Variants in FBH1 observed in about 807,000 individuals in gnomAD.
FBH1 encodes the protein DNA 3'-5' helicase 1.
FBH1 carries 43 observed loss-of-function variants against 115.5 expected under a neutral mutation model. The observed-to-expected ratio is 0.37, with a 90% CI of 0.29 to 0.48. FBH1 has a LOEUF of 0.48. FBH1 is among the 20% of genes least tolerant of loss of function. FBH1 has a pLI of 0.99. For missense variants in FBH1, 1,001 were observed against 1,337.3 expected (o/e 0.75, Z 3.92); for synonymous variants, 524 against 507.8 (o/e 1.03, Z -0.43).
Position 5,895,447 on chromosome 10 carries a change from A to G in FBH1, c.1+5101A>G, listed in dbSNP as rs180968692. Among the ~76,000 whole-genome samples the G allele has an allele frequency of 1.1e-3, 172 of 152,286 alleles. No homozygotes were observed. The highest frequency in any genetic ancestry group is 2.2e-3 in the Admixed American group (34 of 15,288). On this transcript the variant is annotated intron_variant, in intron 1 of 20. Coordinates refer to ENST00000362091, the MANE Select transcript of FBH1 (RefSeq NM_178150.3). This position sits in a 1 kb window ranked among gnomAD's most constrained non-coding sequence, Gnocchi z 5.0. ...TTAGGTCTGTAACCTAAAAGTTTTA[A>G]AGGACTTTTTGGTATGAATTCTGAT... is the stretch of plus-strand genomic sequence containing the variant.
In FBH1 at chr10:5,925,059, G is replaced by T. The variant is rs1463312703; in HGVS notation, c.2597-308G>T. Among the ~76,000 whole-genome samples the T allele has an allele frequency of 6.6e-6, 1 of 152,152 alleles. No homozygotes were observed. Among genetic ancestry groups the T allele is most frequent in the Non-Finnish European group, 1.5e-5 (1 of 68,032 alleles). ...CAGGCAAGCTGTGCAGCCCTCTTCT[G>T]GGCTCTGTCCCTTCATGTGTTAGAT... is the stretch of plus-strand genomic sequence containing the variant. On this transcript the variant is annotated intron_variant, in intron 17 of 20. Transcript: ENST00000362091. This position sits in a 1 kb window ranked among gnomAD's most constrained non-coding sequence, Gnocchi z 4.6.
At chr10:5,891,428 G>A (rs1332061103) in intron 1 of FBH1, among the ~76,000 whole-genome samples, 1 of 152,184 alleles carries the variant, frequency 6.6e-6, no homozygotes, top group Non-Finnish European at 1.5e-5. Flanking sequence ...GGCGTGCCAA[G>A]CAGTGTTCTG....
At chr10:5,903,938 A>ATC (rs1843532807) in intron 2 of FBH1, among the ~76,000 whole-genome samples, 1 of 152,230 alleles carries the variant, frequency 6.6e-6, no homozygotes, top group African/African-American at 2.4e-5. Flanking sequence ...TCTCTGCTAA[A>ATC]TCAACTGGAA....
rs769563163 is a variant in FBH1 at position 5,909,102 on chromosome 10, TGTACATCA to T, written c.884+50_885-47del. On this transcript the variant is annotated intron_variant, in intron 4 of 20. Transcript: ENST00000362091. The surrounding 1 kb of genome is among the most constrained non-coding windows in gnomAD (Gnocchi z 4.4). ...AAGAAGGCGTCTTTGAAGTCTTCCT[TGTACATCA>T]GTGCTTATGGTCACCCTACTCATGG... 6.2e-7 allele frequency: 1 copy of T among 1,613,722 alleles called. No homozygotes were observed. The highest frequency in any genetic ancestry group is 2.2e-5 in the East Asian group (1 of 44,860).
Position 5,913,663 on chromosome 10 carries a change from G to T in FBH1, c.1212-84G>T. 1 of 883,794 alleles carries T rather than the reference G, an allele frequency of 1.1e-6. No homozygotes were observed. 54.7% of individuals were successfully genotyped at this position (883,794 alleles called of 1,614,324 possible). A position where few individuals can be genotyped will look rare whatever the true frequency, so the allele number is the denominator to read the frequency against. On this transcript the variant is annotated intron_variant, in intron 6 of 20. Coordinates refer to ENST00000362091, the MANE Select transcript of FBH1 (RefSeq NM_178150.3). The surrounding 1 kb of genome is among the most constrained non-coding windows in gnomAD (Gnocchi z 4.4). ...GTATTTTCTTTTTAGAAATGGGAAG[G>T]AGTTTAAATCCATCTGAGGAAAAAT... is the stretch of plus-strand genomic sequence containing the variant.
chr10:5,901,911 G>A (rs1843370383), intron 1 of FBH1, among the ~76,000 whole-genome samples: 4 of 152,150 alleles, frequency 2.6e-5, no homozygotes, highest in African/African-American at 9.7e-5. Flanking sequence ...AGTGTTTCAT[G>A]CCATAAGGAG....
At position 5,935,515 on chromosome 10, in the gene FBH1, C is replaced by T. The variant is rs1364827066; in HGVS notation, c.2830-941C>T. 1 of 152,216 alleles carries T rather than the reference C, an allele frequency of 6.6e-6. No individual in the cohort carries two copies. The highest frequency in any genetic ancestry group is 1.5e-5 in the Non-Finnish European group (1 of 68,048). 9.4% of individuals were successfully genotyped at this position (152,216 alleles called of 1,614,324 possible). A position where few individuals can be genotyped will look rare whatever the true frequency, so the allele number is the denominator to read the frequency against. On this transcript the variant is annotated intron_variant, in intron 19 of 20. Transcript: ENST00000362091. This position sits in a 1 kb window ranked among gnomAD's most constrained non-coding sequence, Gnocchi z 5.2. Reference sequence around the variant, plus strand: ...TCTCTCGGGAAGGAAATTGAGATGACAGTCCAAGGGACTTCAGCAAAATCT... The same window carrying T: ...TCTCTCGGGAAGGAAATTGAGATGATAGTCCAAGGGACTTCAGCAAAATCT...
chr10:5,927,299 T>C (rs994675021), intron 18 of FBH1, 136 bp from the exon 19 acceptor site: 12 of 607,284 alleles, frequency 2.0e-5, no homozygotes, highest in African/African-American at 1.9e-5. Context: ...GAAAATTTTG[T>C]ATTTACAGCC....
chr10:5,890,219 G>A (rs1842612227), upstream of FBH1: 2 of 352,758 alleles, frequency 5.7e-6, no homozygotes, highest in South Asian at 1.4e-4. Flanking sequence ...CGCGGAGGAA[G>A]TCGGCGGGCG....
At chr10:5,892,244 G>A (rs973277625) in intron 1 of FBH1, among the ~76,000 whole-genome samples, 2 of 152,182 alleles carry the variant, frequency 1.3e-5, no homozygotes, top group South Asian at 2.1e-4. Context: ...CATTGGCACC[G>A]ACTTGCTCCT....
Position 5,904,045 on chromosome 10 carries a change from A to T in FBH1, c.157+870A>T, listed in dbSNP as rs546067716. Among the ~76,000 whole-genome samples the T allele has an allele frequency of 5.9e-3, 902 of 152,026 alleles. 8 individuals are homozygous for T. Among genetic ancestry groups the T allele is most frequent in the African/African-American group, 0.02 (834 of 41,442 alleles). ...CAACTAATTTCAGAATTCAACTCAAATATTATCTGGTTGTCTTTTTTTTTT... is the reference window on the plus strand; with the variant it reads ...CAACTAATTTCAGAATTCAACTCAATTATTATCTGGTTGTCTTTTTTTTTT... On this transcript the variant is annotated intron_variant, in intron 2 of 20. Coordinates refer to ENST00000362091, the MANE Select transcript of FBH1 (RefSeq NM_178150.3).
rs577188685 is a variant in FBH1, at chr10:5,917,718, A to G, written c.1963+42A>G. 2 of 1,464,512 alleles carry G rather than the reference A, an allele frequency of 1.4e-6. No homozygotes were observed. The highest frequency in any genetic ancestry group is 1.9e-6 in the Non-Finnish European group (2 of 1,049,954). 90.7% of individuals were successfully genotyped at this position (1,464,512 alleles called of 1,614,324 possible). ...GACATCAGTAGTGTCAAATACGTAG[A>G]AACAGCGCCATGATTATGTAAGAGG... On this transcript the variant is annotated intron_variant, in intron 12 of 20. Transcript: ENST00000362091. This position sits in a 1 kb window ranked among gnomAD's most constrained non-coding sequence, Gnocchi z 5.6.
intron 9 of FBH1, chr10:5,916,015 C>A: frequency 1.8e-6 from 1 of 562,198 alleles, no homozygotes; most frequent in South Asian, 2.1e-5. Context: ...CAGTGTCTGC[C>A]GAAAGCTGGT....
At chr10:5,916,477 A>C in intron 10 of FBH1, 21 bp downstream of exon 10, 1 of 1,577,622 alleles carries the variant, frequency 6.3e-7, no homozygotes, top group African/African-American at 1.4e-5. Flanking sequence ...AAGTGTCTGA[A>C]GTGTTAGGGA....
rs891568443 is a variant in FBH1 at position 5,911,407 on chromosome 10, C to T, written c.1211+279C>T. Among the ~76,000 whole-genome samples the T allele has an allele frequency of 3.9e-5, 6 of 152,232 alleles. No individual in the cohort carries two copies. Among genetic ancestry groups the T allele is most frequent in the Admixed American group, 1.3e-4 (2 of 15,290 alleles). On this transcript the variant is annotated intron_variant, in intron 6 of 20. Transcript: ENST00000362091. The surrounding 1 kb of genome is among the most constrained non-coding windows in gnomAD (Gnocchi z 5.4). Reference sequence around the variant, plus strand: ...TCCTGCAGCCTTAGGGGAAGCCCCTCGCCAAGAGAAGCCTTTCTTATTCAC... The same window carrying T: ...TCCTGCAGCCTTAGGGGAAGCCCCTTGCCAAGAGAAGCCTTTCTTATTCAC...
At chr10:5,891,032 G>A (rs1236436652) in intron 1 of FBH1, 7 of 413,128 alleles carry the variant, frequency 1.7e-5, no homozygotes, top group Non-Finnish European at 2.3e-5. Flanking sequence ...GTGGTCCGAA[G>A]ACAACCCTAT....
rs562679915 is a variant in FBH1, at chr10:5,912,081, G to A, written c.1211+953G>A. On this transcript the variant is annotated intron_variant, in intron 6 of 20. Coordinates refer to ENST00000362091, the MANE Select transcript of FBH1 (RefSeq NM_178150.3). ...GGCCCCGATTAGAAGGTAGAATAAG[G>A]CCAGGCTTGGTGGCTCACACCTGTA... Among the ~76,000 whole-genome samples the A allele has an allele frequency of 3.3e-5, 5 of 152,258 alleles. No homozygotes were observed. The East Asian group carries it at 9.7e-4, about 29-fold the overall frequency.
chr10:5,894,055 G>T (rs769570236), intron 1 of FBH1: 17 of 985,292 alleles, frequency 1.7e-5, no homozygotes, highest in Non-Finnish European at 1.9e-5. Context: ...AGTCACAGGT[G>T]TCTCAGATGT....
At chr10:5,901,030 A>T (rs1429777720) in intron 1 of FBH1, among the ~76,000 whole-genome samples, 1 of 152,158 alleles carries the variant, frequency 6.6e-6, no homozygotes, top group Admixed American at 6.5e-5. Context: ...CCAAGAGGTG[A>T]ATGTTGCAGT....
Sources: gnomAD v4.1 joint callset for allele counts (sites outside exome capture counted in the v4.1 genomes callset) on GRCh38, gnomAD v4.1.1 for gene constraint, Gnocchi (gnomAD v3.1) non-coding constraint, MANE v1.5 for transcripts, NCBI Gene and HGNC (gene_info 2026-07-23, HGNC 2026-07-21) for gene names.